NUMA1: variants seen among roughly 807,000 people sequenced by gnomAD.
NUMA1 encodes the protein SP-H antigen.
NUMA1 carries 62 observed loss-of-function variants against 237.1 expected under a neutral mutation model. The observed-to-expected ratio is 0.26, with a 90% confidence interval of 0.21 to 0.32. The LOEUF (loss-of-function observed/expected upper bound fraction) is 0.32, where lower values mean the gene tolerates loss of function less well. Ranked by LOEUF, NUMA1 falls within the 10% of genes least tolerant of loss-of-function variation. The pLI, the probability that NUMA1 is intolerant of heterozygous loss-of-function variation, is 1.00. For synonymous variants in NUMA1, 1,028 were observed against 1,066.1 expected (o/e 0.96, Z 0.70); for missense variants, 2,533 against 2,666.5 (o/e 0.95, Z 1.10).
chr11:72,063,659 G>A (rs1397455053), intron 2 of NUMA1, among the ~76,000 whole-genome samples: 1 of 143,772 alleles, frequency 7.0e-6, no homozygotes, highest in African/African-American at 2.5e-5. Context: ...GTTGAAGCCT[G>A]TCATCCCAGC....
rs1955823074 is a variant in NUMA1, at chr11:72,007,520, T to C, written c.5217-85A>G. ...CCTTTTTGAAAGTGACCATTTCCCA[T>C]CCTTACTACAAGCAGATGAGGTCAA... On this transcript the variant is annotated intron_variant, in intron 20 of 26. Transcript: ENST00000393695. The C allele has an allele frequency of 4.6e-6, 7 of 1,517,840 alleles. No individual in the cohort carries two copies. In the African/African-American group the frequency reaches 6.9e-5, roughly 15 times the overall value. 94.0% of individuals were successfully genotyped at this position (1,517,840 alleles called of 1,614,324 possible). A position where few individuals can be genotyped will look rare whatever the true frequency, so the allele number is the denominator to read the frequency against.
At chr11:72,032,287 CTT>C (rs1940446109) in intron 3 of NUMA1, among the ~76,000 whole-genome samples, 2 of 152,160 alleles carry the variant, frequency 1.3e-5, no homozygotes, top group Non-Finnish European at 2.9e-5. Context: ...TTTTTACTGT[CTT>C]TTGAAAAAAG....
At chr11:72,057,092 AAG>A (rs1258056117) in intron 2 of NUMA1, among the ~76,000 whole-genome samples, 1 of 152,090 alleles carries the variant, frequency 6.6e-6, no homozygotes. Flanking sequence ...AAAAAAAAGA[AAG>A]AAAGCATTTT....
At chr11:72,079,529 G>A (rs2136405878) in intron 1 of NUMA1, among the ~76,000 whole-genome samples, 1 of 150,268 alleles carries the variant, frequency 6.7e-6, no homozygotes, top group East Asian at 2.0e-4. Flanking sequence ...GATAGGGCGA[G>A]ACTCCGTCTC....
rs1301765734 is a variant in NUMA1, at chr11:72,016,461, G to T, written c.1189C>A (p.Leu397Met). 6.2e-7 allele frequency: 1 copy of T among 1,614,136 alleles called. No individual in the cohort carries two copies. Among genetic ancestry groups the T allele is most frequent in the East Asian group, 2.2e-5 (1 of 44,878 alleles). The part of the protein sequence containing the change: ...LSQLEEHLSQ[L>M]QDNPPQEKGE... ...TTCTCCTGGGGTGGGTTATCCTGCA[G>T]CTGGGACAAGTGTTCTTCCAGCTGT... The change falls in exon 14 of 27, where the codon CTG (leucine) becomes ATG (methionine). Residue 397 changes from leucine (L) to methionine (M), a missense_variant. By Grantham distance (15) the Leu-to-Met change is conservative. Coordinates refer to ENST00000393695, the MANE Select transcript of NUMA1 (RefSeq NM_006185.4).
In NUMA1 at chr11:72,053,589, C is replaced by T. The variant is rs138958670; in HGVS notation, c.-33+16253G>A. 2.0e-5 allele frequency among the ~76,000 whole-genome samples: 3 copies of T among 152,310 alleles called. No homozygotes were observed. In the East Asian group the frequency reaches 5.8e-4, roughly 29 times the overall value. On this transcript the variant is annotated intron_variant, in intron 2 of 26. Transcript: ENST00000393695. ...CTCTGCTTCCCCCTGGTTCTTAAGTCAGTTCTATAGTTCTGTAAAGCTTTA... is the reference window on the plus strand; with the variant it reads ...CTCTGCTTCCCCCTGGTTCTTAAGTTAGTTCTATAGTTCTGTAAAGCTTTA...
intron 3 of NUMA1, among the ~76,000 whole-genome samples, chr11:72,033,090 T>C (rs927326981): frequency 1.3e-5 from 2 of 152,166 alleles, no homozygotes; most frequent in African/African-American, 4.8e-5. Context: ...GCTACTACAG[T>C]TTCATAAAAT....
intron 4 of NUMA1, among the ~76,000 whole-genome samples, chr11:72,027,372 A>T (rs958860181): frequency 1.3e-5 from 2 of 152,168 alleles, no homozygotes; most frequent in South Asian, 4.1e-4. Context: ...AGAAGTTGCA[A>T]AATGCTGACT....
chr11:72,019,136 T>C, intron 9 of NUMA1, 156 bp from the exon 10 acceptor site: 1 of 747,740 alleles, frequency 1.3e-6, no homozygotes, highest in Non-Finnish European at 2.1e-6. Context: ...TCAAGCCTCA[T>C]GACATGATCT....
intron 4 of NUMA1, among the ~76,000 whole-genome samples, chr11:72,027,967 T>C (rs1189063239): frequency 6.6e-6 from 1 of 152,198 alleles, no homozygotes; most frequent in East Asian, 1.9e-4. Flanking sequence ...AATGGTACTG[T>C]CTGGACCAAA....
At chr11:72,049,231 G>C (rs1189563397) in intron 2 of NUMA1, among the ~76,000 whole-genome samples, 1 of 152,038 alleles carries the variant, frequency 6.6e-6, no homozygotes, top group Non-Finnish European at 1.5e-5. Context: ...TAAGAAATGT[G>C]AAAGAACCTG....
intron 2 of NUMA1, among the ~76,000 whole-genome samples, chr11:72,048,170 C>T (rs1942108987): frequency 6.6e-6 from 1 of 152,140 alleles, no homozygotes; most frequent in South Asian, 2.1e-4. Flanking sequence ...GATCTCCGCT[C>T]ACCGCAACCT....
At chr11:72,021,159 C>T (rs777042176) in intron 8 of NUMA1, 45 bp downstream of exon 8, 1 of 1,470,292 alleles carries the variant, frequency 6.8e-7, no homozygotes, top group Non-Finnish European at 9.5e-7. Context: ...CTAGTATTCC[C>T]CATTTCAGAG....
intron 2 of NUMA1, chr11:72,040,867 G>A (rs1040308992): frequency 6.6e-6 from 1 of 151,994 alleles, no homozygotes; most frequent in Non-Finnish European, 1.5e-5. Flanking sequence ...GGAGGTGAGG[G>A]GGGAGAATCC....
rs5792571 is a variant in NUMA1 at position 72,044,602 on chromosome 11, TGG to T, written c.-32-8629_-32-8628del. ...ATTTAACAGTTAACAGGGGTTACTT[TGG>T]GGGGGGGGAGGAGTTAGATTGTAGG... On this transcript the variant is annotated intron_variant, in intron 2 of 26. Transcript: ENST00000393695. 3.3e-4 allele frequency among the ~76,000 whole-genome samples: 46 copies of T among 139,494 alleles called. 1 individual carries two copies. In the South Asian group the frequency reaches 3.8e-3, roughly 12 times the overall value. The allele number at this position is 139,494 out of a possible 152,430, so 91.5% of individuals were successfully genotyped here. A position where few individuals can be genotyped will look rare whatever the true frequency, so the allele number is the denominator to read the frequency against.
At position 72,006,385 on chromosome 11, in the gene NUMA1, G is replaced by C. The variant is rs1019843200; in HGVS notation, c.5464-122C>G. ...CATGTATTCCCAACTGCTTTGCAAA[G>C]GTCCTTAAAGTGTGTGTCTGCAAGA... On this transcript the variant is annotated intron_variant, in intron 21 of 26. Coordinates refer to ENST00000393695, the MANE Select transcript of NUMA1 (RefSeq NM_006185.4). 6.5e-6 allele frequency: 5 copies of C among 768,730 alleles called. No homozygotes were observed. In the African/African-American group the frequency reaches 8.8e-5, roughly 13 times the overall value. 47.6% of individuals were successfully genotyped at this position (768,730 alleles called of 1,614,324 possible).
At chr11:72,073,034 G>A (rs1943530174) in intron 1 of NUMA1, among the ~76,000 whole-genome samples, 1 of 94,550 alleles carries the variant, frequency 1.1e-5, no homozygotes, top group Admixed American at 1.4e-4. Flanking sequence ...GTGACACAGA[G>A]CGAGACTCCG....
chr11:72,067,911 C>T (rs1943270529), intron 2 of NUMA1: 1 of 152,198 alleles, frequency 6.6e-6, no homozygotes, highest in East Asian at 1.9e-4. Context: ...CAGGGCACTA[C>T]AATATAATCA....
rs370348490 is a variant in NUMA1, at chr11:72,015,325, T to C, written c.2178A>G (p.Ala726=). The C allele has an allele frequency of 3.1e-4, 498 of 1,613,426 alleles. No individual in the cohort carries two copies. The highest frequency in any genetic ancestry group is 3.9e-4 in the Non-Finnish European group (462 of 1,180,058). The change falls in exon 15 of 27, where the codon GCA becomes GCG. Residue 726 remains alanine (A), a synonymous_variant. Transcript: ENST00000393695. This position sits in a 1 kb window ranked among gnomAD's most constrained non-coding sequence, Gnocchi z 4.0. Reference sequence around the variant, plus strand: ...AACGCTGCTGCTCTTCCAGGGCATCTGCAGCCCTGCGCTTCTCCTCTTCAA... The same window carrying C: ...AACGCTGCTGCTCTTCCAGGGCATCCGCAGCCCTGCGCTTCTCCTCTTCAA... ...GSLEEEKRRA[A]DALEEQQRCI...
Sources: gnomAD v4.1 joint callset for allele counts (sites outside exome capture counted in the v4.1 genomes callset) on GRCh38, gnomAD v4.1.1 for gene constraint, Gnocchi (gnomAD v3.1) non-coding constraint, MANE v1.5 for transcripts, NCBI Gene and HGNC (gene_info 2026-07-23, HGNC 2026-07-21) for gene names.